The following GRID1 variants were observed in gnomAD, a reference collection of about 807,000 sequenced individuals.
GRID1 encodes glutamate receptor ionotropic, delta-1.
Under a neutral mutation model 98.0 loss-of-function variants are expected in GRID1, and 28 were observed. That is an observed-to-expected ratio of 0.29 (90% CI 0.21 to 0.39). The LOEUF (loss-of-function observed/expected upper bound fraction) is 0.39. GRID1 is among the 10% of genes least tolerant of loss of function. The pLI is 1.00. For synonymous variants in GRID1, 553 were observed against 538.5 expected (o/e 1.03, Z -0.37); for missense variants, 1,111 against 1,340.5 (o/e 0.83, Z 2.67).
chr10:85,649,172 C>T (rs1026320062), intron 12 of GRID1, among the ~76,000 whole-genome samples: 9 of 152,038 alleles, frequency 5.9e-5, no homozygotes, highest in African/African-American at 2.2e-4. Flanking sequence ...TTTTTGCATC[C>T]ACTGCCCTGG....
At chr10:86,313,570 G>A (rs1042011389) in intron 2 of GRID1, among the ~76,000 whole-genome samples, 7 of 152,222 alleles carry the variant, frequency 4.6e-5, no homozygotes, top group African/African-American at 7.2e-5. Flanking sequence ...GGGAGTCTCC[G>A]TGGCAGGGAA....
At position 85,978,131 on chromosome 10, in the gene GRID1, G is replaced by C. The variant is rs999132834; in HGVS notation, c.727-61892C>G. ...TGCAAAGCCATCAACAAGTGGTCCCGCAGTGGACATTTTTCCAGTCCATGC... is the reference window on the plus strand; with the variant it reads ...TGCAAAGCCATCAACAAGTGGTCCCCCAGTGGACATTTTTCCAGTCCATGC... On this transcript the variant is annotated intron_variant, in intron 4 of 15. Coordinates refer to ENST00000327946, the MANE Select transcript of GRID1 (RefSeq NM_017551.3). Among the ~76,000 whole-genome samples, 5 of 152,158 alleles carry C rather than the reference G, an allele frequency of 3.3e-5. No homozygotes were observed. In the South Asian group the frequency reaches 1.0e-3, roughly 32 times the overall value.
intron 12 of GRID1, among the ~76,000 whole-genome samples, chr10:85,702,580 G>A (rs982902891): frequency 1.3e-5 from 2 of 152,032 alleles, no homozygotes; most frequent in Non-Finnish European, 2.9e-5. Flanking sequence ...AGACCTCACT[G>A]AATCCTGAGA....
chr10:86,017,934 C>T (rs957175114), intron 4 of GRID1, among the ~76,000 whole-genome samples: 3 of 152,150 alleles, frequency 2.0e-5, no homozygotes, highest in African/African-American at 7.2e-5. Flanking sequence ...ATCTCTGAGC[C>T]CAACAGACCA....
intron 4 of GRID1, among the ~76,000 whole-genome samples, chr10:85,978,493 G>T (rs1181704975): frequency 3.3e-5 from 5 of 152,176 alleles, no homozygotes; most frequent in Admixed American, 3.3e-4. Flanking sequence ...CTTCCCAGCA[G>T]TAAGAGCAAA....
At chr10:86,028,561 C>A (rs78505833) in intron 4 of GRID1, among the ~76,000 whole-genome samples, 3,206 of 152,200 alleles carry the variant, frequency 0.021, 57 homozygotes, top group African/African-American at 0.046. Flanking sequence ...TATTCATGTG[C>A]AGATTCACAT....
Position 86,366,200 on chromosome 10 carries a change from G to T in GRID1, c.79+114C>A. 1 of 588,990 alleles carries T rather than the reference G, an allele frequency of 1.7e-6. No homozygotes were observed. The highest frequency in any genetic ancestry group is 2.6e-6 in the Non-Finnish European group (1 of 390,120). The allele number at this position is 588,990 out of a possible 1,614,324, so 36.5% of individuals were successfully genotyped here. ...GGCGGCGCGGCGCGGCCCTTCGGGG[G>T]AGCACCGCCCGCCGAGCCCCTCGGC... is the stretch of plus-strand genomic sequence containing the variant. On this transcript the variant is annotated intron_variant, in intron 1 of 15. Transcript: ENST00000327946. The surrounding 1 kb of genome is among the most constrained non-coding windows in gnomAD (Gnocchi z 4.1).
chr10:85,602,246 G>C lies in GRID1; in HGVS notation c.*27C>G. 9.2e-7 allele frequency: 1 copy of C among 1,087,858 alleles called. No homozygotes were observed. Among genetic ancestry groups the C allele is most frequent in the Non-Finnish European group, 1.3e-6 (1 of 794,374 alleles). The allele number at this position is 1,087,858 out of a possible 1,614,324, so 67.4% of individuals were successfully genotyped here. On this transcript the variant is annotated 3_prime_UTR_variant, in exon 16 of 16. Coordinates refer to ENST00000327946, the MANE Select transcript of GRID1 (RefSeq NM_017551.3). ...AGCTCTGCTGGTCGGGTGGGTGGGA[G>C]GGTGGGCAGGAGGGCAGGCGGCGCA... is the stretch of plus-strand genomic sequence containing the variant.
chr10:85,882,952 G>C (rs1020291978), intron 5 of GRID1, among the ~76,000 whole-genome samples: 2 of 152,030 alleles, frequency 1.3e-5, no homozygotes, highest in Non-Finnish European at 2.9e-5. Context: ...TGGGATTCCT[G>C]AGTATGGAGT....
At chr10:86,311,807 G>A (rs1564735833) in intron 2 of GRID1, among the ~76,000 whole-genome samples, 1 of 152,234 alleles carries the variant, frequency 6.6e-6, no homozygotes, top group African/African-American at 2.4e-5. Context: ...GCTGCAGTGA[G>A]CTATGTGACT....
chr10:86,025,734 A>G (rs951804586), intron 4 of GRID1, among the ~76,000 whole-genome samples: 4 of 152,228 alleles, frequency 2.6e-5, no homozygotes, highest in African/African-American at 7.2e-5. Context: ...ATACAAGCGG[A>G]TATCATGCAG....
intron 2 of GRID1, among the ~76,000 whole-genome samples, chr10:86,291,066 A>T (rs1381051473): frequency 6.6e-6 from 1 of 152,156 alleles, no homozygotes; most frequent in East Asian, 1.9e-4. Flanking sequence ...GCTTGTGAAG[A>T]TCCTGGAAGT....
At chr10:86,316,239 A>C (rs947165058) in intron 2 of GRID1, among the ~76,000 whole-genome samples, 1 of 152,204 alleles carries the variant, frequency 6.6e-6, no homozygotes, top group Non-Finnish European at 1.5e-5. Flanking sequence ...TCCCCCAGGC[A>C]GACTTTGAGC....
At chr10:85,984,468 A>G (rs1842585346) in intron 4 of GRID1, among the ~76,000 whole-genome samples, 1 of 152,214 alleles carries the variant, frequency 6.6e-6, no homozygotes, top group Admixed American at 6.5e-5. Context: ...TCTGGGCGGG[A>G]GAGCCTTCTC....
intron 8 of GRID1, among the ~76,000 whole-genome samples, chr10:85,733,619 T>A (rs1274677428): frequency 6.6e-6 from 1 of 152,218 alleles, no homozygotes; most frequent in Non-Finnish European, 1.5e-5. Flanking sequence ...CGTGAGCCAC[T>A]GTGCCCAGCT....
At chr10:85,715,418 A>G (rs998592389) in intron 12 of GRID1, among the ~76,000 whole-genome samples, 1 of 152,190 alleles carries the variant, frequency 6.6e-6, no homozygotes, top group African/African-American at 2.4e-5. Context: ...AGCAAAGTAA[A>G]CAATCTACAA....
chr10:86,142,992 C>A (rs1179932843), intron 3 of GRID1, among the ~76,000 whole-genome samples: 1 of 152,246 alleles, frequency 6.6e-6, no homozygotes, highest in Middle Eastern at 3.2e-3. Context: ...TCCTCTGCAC[C>A]TCCCACTGCT....
At chr10:85,680,793 A>C (rs1236293957) in intron 12 of GRID1, among the ~76,000 whole-genome samples, 1 of 152,222 alleles carries the variant, frequency 6.6e-6, no homozygotes, top group African/African-American at 2.4e-5. Flanking sequence ...TACACCAGGA[A>C]CTACTACTCA....
At chr10:85,808,436 C>G (rs951350530) in intron 8 of GRID1, among the ~76,000 whole-genome samples, 1 of 152,120 alleles carries the variant, frequency 6.6e-6, no homozygotes, top group African/African-American at 2.4e-5. Flanking sequence ...TCCTATGACA[C>G]GTAACTAGCT....
Sources: gnomAD v4.1 joint callset for allele counts (sites outside exome capture counted in the v4.1 genomes callset) on GRCh38, gnomAD v4.1.1 for gene constraint, Gnocchi (gnomAD v3.1) non-coding constraint, MANE v1.5 for transcripts, NCBI Gene and HGNC (gene_info 2026-07-23, HGNC 2026-07-21) for gene names.